CSMD1: variants seen among roughly 807,000 people sequenced by gnomAD.
CSMD1 encodes CUB and Sushi multiple domains 1, also known as CUB and sushi domain-containing protein 1.
In CSMD1, 213 loss-of-function variants were observed where a neutral mutation model predicts 417.5. The ratio of observed to expected loss-of-function variants is 0.51; its 90% CI spans 0.46 to 0.57. The LOEUF (loss-of-function observed/expected upper bound fraction) is 0.57. CSMD1 is among the 20% of genes least tolerant of loss of function. The probability of loss-of-function intolerance (pLI) is 0.00; values close to 1 mark genes in which losing one functional copy is unlikely to be tolerated. For synonymous variants in CSMD1, 2,862 were observed against 1,736.8 expected, an observed-to-expected ratio of 1.65 and a Z score of -16.11; for missense variants, 6,923 against 4,529.7, an observed-to-expected ratio of 1.53 and a Z score of -15.17.
intron 55 of CSMD1, among the ~76,000 whole-genome samples, chr8:2,976,258 A>G (rs1050619891): frequency 3.9e-5 from 6 of 152,156 alleles, no homozygotes; most frequent in Admixed American, 6.5e-5. Context: ...CCCATTCTCA[A>G]AATACACTTC....
rs755778306 is a variant in CSMD1, at chr8:4,209,310, C to G, written c.416-177211G>C. Among the ~76,000 whole-genome samples, 48 of 152,168 alleles carry G rather than the reference C, an allele frequency of 3.2e-4. 1 individual carries two copies. Among genetic ancestry groups the G allele is most frequent in the Admixed American group, 1.0e-3 (16 of 15,274 alleles). On this transcript the variant is annotated intron_variant, in intron 3 of 69. Transcript: ENST00000635120. ...CAGCTTGCTCTTCAGTGGTTCCCAT[C>G]TATGAGACATCTTCCCTCAAACTCA...
intron 3 of CSMD1, among the ~76,000 whole-genome samples, chr8:4,048,011 A>C (rs1309777423): frequency 1.3e-5 from 2 of 152,174 alleles, no homozygotes; most frequent in African/African-American, 4.8e-5. Flanking sequence ...TTTGTATGAG[A>C]GATCAAACCG....
At chr8:4,158,943 T>C (rs1229541202) in intron 3 of CSMD1, among the ~76,000 whole-genome samples, 1 of 152,194 alleles carries the variant, frequency 6.6e-6, no homozygotes, top group African/African-American at 2.4e-5. Context: ...TTGAGACAGT[T>C]TCACTCTTGT....
chr8:3,588,271 T>G (rs1256658036), intron 8 of CSMD1, among the ~76,000 whole-genome samples: 1 of 151,902 alleles, frequency 6.6e-6, no homozygotes, highest in East Asian at 1.9e-4. Flanking sequence ...CAATCTCATA[T>G]AGATAACATA....
At chr8:3,376,565 T>G (rs964742681) in intron 18 of CSMD1, among the ~76,000 whole-genome samples, 37 of 152,094 alleles carry the variant, frequency 2.4e-4, no homozygotes, top group Non-Finnish European at 2.1e-4. Flanking sequence ...TGATTCCAAA[T>G]AAATTCTTTT....
intron 5 of CSMD1, among the ~76,000 whole-genome samples, chr8:3,844,154 T>A (rs1026723955): frequency 6.6e-6 from 1 of 152,188 alleles, no homozygotes; most frequent in Non-Finnish European, 1.5e-5. Flanking sequence ...AAAAAGACAA[T>A]ATTGGCATTA....
intron 2 of CSMD1, among the ~76,000 whole-genome samples, chr8:4,507,444 G>C (rs1802587075): frequency 6.6e-6 from 1 of 152,144 alleles, no homozygotes; most frequent in Admixed American, 6.5e-5. Context: ...ATGGGTGCCA[G>C]GCTGTCCTTA....
chr8:4,660,344 A>G (rs1264265355), intron 1 of CSMD1, among the ~76,000 whole-genome samples: 1 of 149,858 alleles, frequency 6.7e-6, no homozygotes, highest in Non-Finnish European at 1.5e-5. Context: ...AAATCTAGCA[A>G]AACACATACA....
chr8:3,140,009 TC>T (rs1214530428), intron 41 of CSMD1, among the ~76,000 whole-genome samples: 1 of 151,712 alleles, frequency 6.6e-6, no homozygotes, highest in Non-Finnish European at 1.5e-5. Flanking sequence ...TTCAAGTGAT[TC>T]TCCTGTCTCA....
intron 3 of CSMD1, among the ~76,000 whole-genome samples, chr8:4,404,762 G>T (rs954764203): frequency 6.6e-6 from 1 of 151,850 alleles, no homozygotes; most frequent in Non-Finnish European, 1.5e-5. Context: ...ACATATAAAT[G>T]AAAGTTGAAT....
intron 12 of CSMD1, among the ~76,000 whole-genome samples, chr8:3,458,964 A>G (rs989937939): frequency 6.6e-6 from 1 of 152,184 alleles, no homozygotes; most frequent in Non-Finnish European, 1.5e-5. Flanking sequence ...TGTCCAGGAG[A>G]GAGGTGCAGC....
At chr8:4,659,791 G>C (rs10096775) in intron 1 of CSMD1, among the ~76,000 whole-genome samples, 37,145 of 151,946 alleles carry the variant, frequency 0.24, 5,060 homozygotes, top group East Asian at 0.4. Flanking sequence ...TTTATATTAA[G>C]TAAATTTCAT....
intron 10 of CSMD1, among the ~76,000 whole-genome samples, chr8:3,567,967 G>A (rs966497405): frequency 3.9e-5 from 6 of 152,182 alleles, no homozygotes; most frequent in Non-Finnish European, 8.8e-5. Context: ...CAATGACTGT[G>A]CAGGCATCCA....
At chr8:4,315,463 T>C (rs1409536716) in intron 3 of CSMD1, among the ~76,000 whole-genome samples, 1 of 152,052 alleles carries the variant, frequency 6.6e-6, no homozygotes, top group Non-Finnish European at 1.5e-5. Context: ...AAAAAAAATA[T>C]TCCAAGGCCT....
intron 1 of CSMD1, among the ~76,000 whole-genome samples, chr8:4,845,346 G>C (rs941037672): frequency 6.6e-6 from 1 of 152,110 alleles, no homozygotes; most frequent in Non-Finnish European, 1.5e-5. Flanking sequence ...CTAGCCAGGG[G>C]ATACATATCC....
At chr8:4,743,262 G>A (rs1810739140) in intron 1 of CSMD1, among the ~76,000 whole-genome samples, 1 of 152,230 alleles carries the variant, frequency 6.6e-6, no homozygotes, top group East Asian at 1.9e-4. Flanking sequence ...TGAAAAATTT[G>A]ATGAAGGACC....
At chr8:3,522,813 C>T (rs531601357) in intron 10 of CSMD1, among the ~76,000 whole-genome samples, 3 of 150,968 alleles carry the variant, frequency 2.0e-5, no homozygotes, top group Middle Eastern at 3.5e-3. Flanking sequence ...TATTAAATTA[C>T]GTATTTTATT....
At chr8:4,420,729 G>A (rs527534920) in intron 2 of CSMD1, among the ~76,000 whole-genome samples, 1 of 152,208 alleles carries the variant, frequency 6.6e-6, no homozygotes, top group South Asian at 2.1e-4. Context: ...AATAGGCTGT[G>A]AGCCGTCTAG....
intron 56 of CSMD1, 83 bp from the exon 57 acceptor site, chr8:2,973,382 A>C (rs1438274914): frequency 7.3e-7 from 1 of 1,371,106 alleles, no homozygotes; most frequent in Non-Finnish European, 1.0e-6. Flanking sequence ...AGATAATGAA[A>C]AGTTGTTGAA....
Sources: allele counts gnomAD v4.1 joint callset (sites outside exome capture counted in the v4.1 genomes callset), GRCh38; gene constraint gnomAD v4.1.1; transcripts MANE v1.5; gene names NCBI Gene and HGNC (gene_info 2026-07-23, HGNC 2026-07-21).